Variants in AGBL4 observed in about 807,000 individuals in gnomAD.
AGBL4 encodes AGBL carboxypeptidase 4.
AGBL4 carries 58 observed loss-of-function variants against 66.4 expected under a neutral mutation model. The ratio of observed to expected loss-of-function variants is 0.87; its 90% CI spans 0.71 to 1.09. AGBL4 has a LOEUF of 1.09. AGBL4 is among the 50% of genes least tolerant of loss of function. The pLI, the probability that AGBL4 is intolerant of heterozygous loss-of-function variation, is 0.00. For missense variants in AGBL4, 579 were observed against 631.0 expected (o/e 0.92, Z 0.88); for synonymous variants, 234 against 222.9 (o/e 1.05, Z -0.44).
chr1:49,230,661 T>C (rs1048070241), intron 4 of AGBL4, among the ~76,000 whole-genome samples: 1 of 152,234 alleles, frequency 6.6e-6, no homozygotes, highest in East Asian at 1.9e-4. Flanking sequence ...GGAAATATAA[T>C]GGAAATATTG....
chr1:50,001,279 G>C (rs1660732008), intron 1 of AGBL4, among the ~76,000 whole-genome samples: 1 of 151,016 alleles, frequency 6.6e-6, no homozygotes, highest in Non-Finnish European at 1.5e-5. Flanking sequence ...ATATATTTAG[G>C]AGTAAGTAGA....
intron 2 of AGBL4, among the ~76,000 whole-genome samples, chr1:49,815,192 C>T (rs750211047): frequency 2.0e-5 from 3 of 152,142 alleles, no homozygotes; most frequent in Non-Finnish European, 2.9e-5. Context: ...CCTGCCTCAG[C>T]TAAACATTCT....
chr1:49,663,355 G>C (rs1322070423), intron 3 of AGBL4, among the ~76,000 whole-genome samples: 1 of 152,130 alleles, frequency 6.6e-6, no homozygotes, highest in Admixed American at 6.6e-5. Context: ...GAATAGATGT[G>C]ATGTGTGCTA....
At chr1:49,760,642 A>G (rs1178041572) in intron 2 of AGBL4, among the ~76,000 whole-genome samples, 2 of 152,300 alleles carry the variant, frequency 1.3e-5, no homozygotes, top group South Asian at 4.1e-4. Context: ...AACCAGAAAT[A>G]CCACTTGACC....
chr1:49,918,347 A>G (rs1303796647), intron 1 of AGBL4, among the ~76,000 whole-genome samples: 2 of 152,238 alleles, frequency 1.3e-5, no homozygotes, highest in Admixed American at 6.5e-5. Flanking sequence ...AGCAAGACTA[A>G]TAAAGAAGAA....
At chr1:49,898,222 G>A (rs1649412732) in intron 1 of AGBL4, among the ~76,000 whole-genome samples, 1 of 151,992 alleles carries the variant, frequency 6.6e-6, no homozygotes, top group South Asian at 2.1e-4. Context: ...ACGTGAAAAG[G>A]GATTAATAAT....
At chr1:49,701,328 G>T (rs181741824) in intron 2 of AGBL4, among the ~76,000 whole-genome samples, 10 of 152,068 alleles carry the variant, frequency 6.6e-5, no homozygotes, top group East Asian at 5.8e-4. Context: ...ATTAAGATTT[G>T]CTAAGAGAGT....
chr1:49,514,446 A>T (rs1213058190), intron 3 of AGBL4, among the ~76,000 whole-genome samples: 1 of 152,024 alleles, frequency 6.6e-6, no homozygotes, highest in Non-Finnish European at 1.5e-5. Flanking sequence ...AATATCGTGA[A>T]AATGGCCATA....
intron 6 of AGBL4, among the ~76,000 whole-genome samples, chr1:48,830,996 T>C (rs1646538769): frequency 6.6e-6 from 1 of 152,164 alleles, no homozygotes; most frequent in Non-Finnish European, 1.5e-5. Context: ...CAAATGGTTA[T>C]ATAATGTCAG....
intron 3 of AGBL4, among the ~76,000 whole-genome samples, chr1:49,460,054 T>C (rs1358244658): frequency 6.6e-6 from 1 of 151,694 alleles, no homozygotes; most frequent in African/African-American, 2.4e-5. Context: ...TCTTGGAGTA[T>C]GTTTCATGTG....
At chr1:48,933,654 G>T (rs914745476) in intron 5 of AGBL4, among the ~76,000 whole-genome samples, 1 of 152,058 alleles carries the variant, frequency 6.6e-6, no homozygotes, top group African/African-American at 2.4e-5. Flanking sequence ...TCTAACCTTC[G>T]GTTTCCAGCC....
intron 1 of AGBL4, among the ~76,000 whole-genome samples, chr1:49,972,606 C>T (rs980676422): frequency 6.6e-6 from 1 of 152,148 alleles, no homozygotes; most frequent in Non-Finnish European, 1.5e-5. Flanking sequence ...TTTATCATCT[C>T]ACACCATCAC....
At chr1:49,654,044 GA>G (rs1646065754) in intron 3 of AGBL4, among the ~76,000 whole-genome samples, 1 of 152,054 alleles carries the variant, frequency 6.6e-6, no homozygotes, top group African/African-American at 2.4e-5. Flanking sequence ...AGATCGAAAC[GA>G]AAGAAAACAT....
chr1:49,285,787 C>G (rs1407189466), intron 3 of AGBL4, among the ~76,000 whole-genome samples: 1 of 152,128 alleles, frequency 6.6e-6, no homozygotes, highest in East Asian at 1.9e-4. Flanking sequence ...TGGATAAATT[C>G]CTCCACACAT....
chr1:48,950,434 G>T (rs540209310), intron 5 of AGBL4, among the ~76,000 whole-genome samples: 1 of 152,252 alleles, frequency 6.6e-6, no homozygotes, highest in Admixed American at 6.5e-5. Flanking sequence ...TGAAACGTAG[G>T]GAGATTAAGT....
intron 5 of AGBL4, among the ~76,000 whole-genome samples, chr1:49,044,502 A>T (rs1044057229): frequency 1.3e-5 from 2 of 152,036 alleles, no homozygotes; most frequent in African/African-American, 4.8e-5. Flanking sequence ...TCTCAAAAAA[A>T]AAAAGGAAGT....
intron 3 of AGBL4, among the ~76,000 whole-genome samples, chr1:49,497,071 C>T (rs1022204855): frequency 6.6e-6 from 1 of 151,976 alleles, no homozygotes; most frequent in Non-Finnish European, 1.5e-5. Flanking sequence ...GTCACTCCAA[C>T]AGGTGTAAGG....
intron 3 of AGBL4, among the ~76,000 whole-genome samples, chr1:49,270,732 A>T (rs979372359): frequency 7.2e-5 from 11 of 152,308 alleles, no homozygotes; most frequent in Admixed American, 2.0e-4. Context: ...TCCATAATGA[A>T]GTTATTAAAC....
At chr1:49,297,813 T>C (rs1200460888) in intron 3 of AGBL4, among the ~76,000 whole-genome samples, 1 of 152,116 alleles carries the variant, frequency 6.6e-6, no homozygotes, top group African/African-American at 2.4e-5. Context: ...TATTATGATT[T>C]CCTAAAATTC....
Sources: gnomAD v4.1 joint callset for allele counts (sites outside exome capture counted in the v4.1 genomes callset) on GRCh38, gnomAD v4.1.1 for gene constraint, MANE v1.5 for transcripts, NCBI Gene and HGNC (gene_info 2026-07-23, HGNC 2026-07-21) for gene names.